EXOC6B: variants seen among roughly 807,000 people sequenced by gnomAD.
EXOC6B encodes the protein SEC15 homolog B.
Under a neutral mutation model 113.5 loss-of-function variants are expected in EXOC6B, and 54 were observed. The ratio of observed to expected loss-of-function variants is 0.48; its 90% confidence interval spans 0.38 to 0.60. The LOEUF is 0.60. Ranked by LOEUF, EXOC6B falls within the 20% of genes least tolerant of loss-of-function variation. The pLI, the probability that EXOC6B is intolerant of heterozygous loss-of-function variation, is 0.00. For synonymous variants in EXOC6B, 357 were observed against 339.0 expected, an observed-to-expected ratio of 1.05 and a Z score of -0.58; for missense variants, 797 against 977.5, an observed-to-expected ratio of 0.82 and a Z score of 2.46.
intron 1 of EXOC6B, among the ~76,000 whole-genome samples, chr2:72,761,933 T>C (rs766512791): frequency 6.6e-6 from 1 of 151,708 alleles, no homozygotes; most frequent in South Asian, 2.1e-4. Context: ...AGCAACATAC[T>C]GCTCATCTCA....
chr2:72,202,436 C>T (rs1241658371), intron 20 of EXOC6B, among the ~76,000 whole-genome samples: 4 of 152,162 alleles, frequency 2.6e-5, no homozygotes, highest in Non-Finnish European at 2.9e-5. Flanking sequence ...AGTTACAATT[C>T]CCTTCTCCCA....
chr2:72,286,649 G>A (rs1437586728), intron 20 of EXOC6B, among the ~76,000 whole-genome samples: 2 of 152,092 alleles, frequency 1.3e-5, no homozygotes, highest in Non-Finnish European at 2.9e-5. Context: ...TATCAATTTT[G>A]GGTGATAATG....
chr2:72,203,387 T>C (rs1337424829), intron 20 of EXOC6B, among the ~76,000 whole-genome samples: 1 of 152,230 alleles, frequency 6.6e-6, no homozygotes, highest in African/African-American at 2.4e-5. Flanking sequence ...TGCTTCTACC[T>C]GACACATGTC....
intron 6 of EXOC6B, among the ~76,000 whole-genome samples, chr2:72,715,880 T>C (rs1359695567): frequency 2.0e-5 from 3 of 152,082 alleles, no homozygotes; most frequent in South Asian, 4.1e-4. Flanking sequence ...TTGAAATGGA[T>C]GTAGTGACTA....
intron 6 of EXOC6B, among the ~76,000 whole-genome samples, chr2:72,611,769 G>A (rs1164762349): frequency 6.6e-6 from 1 of 151,898 alleles, no homozygotes; most frequent in Non-Finnish European, 1.5e-5. Flanking sequence ...AACAAACTAA[G>A]GTACAACTAC....
chr2:72,779,543 T>A (rs1239424755), intron 1 of EXOC6B, among the ~76,000 whole-genome samples: 2 of 152,202 alleles, frequency 1.3e-5, no homozygotes, highest in Admixed American at 1.3e-4. Context: ...TTCTAACTAT[T>A]GCCATATTTA....
At chr2:72,615,541 T>C (rs1044751052) in intron 6 of EXOC6B, among the ~76,000 whole-genome samples, 7 of 140,774 alleles carry the variant, frequency 5.0e-5, no homozygotes, top group Non-Finnish European at 6.1e-5. Context: ...ATACAGAAAA[T>C]AGAAGTGACT....
chr2:72,574,738 G>T (rs1169413848), intron 7 of EXOC6B, among the ~76,000 whole-genome samples: 1 of 152,144 alleles, frequency 6.6e-6, no homozygotes, highest in Non-Finnish European at 1.5e-5. Flanking sequence ...AGACTCTAAA[G>T]CTCATGCTCC....
intron 6 of EXOC6B, among the ~76,000 whole-genome samples, chr2:72,631,500 AGAGAGAGAGAGAGAGAGAGAG>A: frequency 7.8e-6 from 1 of 128,494 alleles, no homozygotes; most frequent in East Asian, 2.3e-4. Context: ...AGAGAGAGAG[AGAGAGAGAGAGAGAGAGAGAG>A]AAAGACAAGG....
At chr2:72,663,877 C>T (rs1233770737) in intron 6 of EXOC6B, among the ~76,000 whole-genome samples, 1 of 152,004 alleles carries the variant, frequency 6.6e-6, no homozygotes, top group Non-Finnish European at 1.5e-5. Flanking sequence ...TCAATATTGG[C>T]TCATCAATTA....
At chr2:72,390,481 T>C (rs1427275493) in intron 18 of EXOC6B, among the ~76,000 whole-genome samples, 2 of 152,206 alleles carry the variant, frequency 1.3e-5, no homozygotes, top group African/African-American at 4.8e-5. Flanking sequence ...TTTTATTGAA[T>C]ACTGGATATT....
intron 1 of EXOC6B, among the ~76,000 whole-genome samples, chr2:72,823,275 C>G (rs1686680896): frequency 6.6e-6 from 1 of 150,894 alleles, no homozygotes; most frequent in Non-Finnish European, 1.5e-5. Flanking sequence ...ACAGTGTCCC[C>G]TTAGGGCAAA....
At chr2:72,735,887 C>T (rs536628264) in intron 2 of EXOC6B, among the ~76,000 whole-genome samples, 4 of 149,070 alleles carry the variant, frequency 2.7e-5, no homozygotes, top group Admixed American at 6.7e-5. Context: ...TATTTCAATG[C>T]GTAACAATAA....
chr2:72,403,433 T>A (rs1465456705), intron 18 of EXOC6B, among the ~76,000 whole-genome samples: 2 of 152,120 alleles, frequency 1.3e-5, no homozygotes, highest in Admixed American at 6.6e-5. Flanking sequence ...ATACCTATAA[T>A]CACAGTGCTT....
chr2:72,265,179 T>A (rs1346706455), intron 20 of EXOC6B, among the ~76,000 whole-genome samples: 1 of 151,974 alleles, frequency 6.6e-6, no homozygotes, highest in Non-Finnish European at 1.5e-5. Flanking sequence ...GCTGAGATGG[T>A]CTCAGATGGA....
At chr2:72,742,458 C>T (rs1023286910) in intron 1 of EXOC6B, among the ~76,000 whole-genome samples, 13 of 152,160 alleles carry the variant, frequency 8.5e-5, no homozygotes, top group African/African-American at 2.7e-4. Flanking sequence ...AGCCACCAAG[C>T]ACAGCCTATA....
intron 7 of EXOC6B, among the ~76,000 whole-genome samples, chr2:72,568,517 G>T (rs1704324679): frequency 6.6e-6 from 1 of 151,858 alleles, no homozygotes; most frequent in South Asian, 2.1e-4. Context: ...AGTTTTGGGA[G>T]AGAAAAGAAA....
intron 18 of EXOC6B, among the ~76,000 whole-genome samples, chr2:72,401,514 T>C (rs184640286): frequency 0.019 from 985 of 51,438 alleles, 58 homozygotes; most frequent in African/African-American, 0.035. Flanking sequence ...TATATATATA[T>C]ACATATATAC....
chr2:72,672,201 CA>C (rs61678584), intron 6 of EXOC6B, among the ~76,000 whole-genome samples: 86,348 of 105,006 alleles, frequency 0.82, 35,106 homozygotes, highest in East Asian at 0.95. Context: ...GGTATATATC[CA>C]AAAAAAAAAA....
Sources: allele counts gnomAD v4.1 joint callset (sites outside exome capture counted in the v4.1 genomes callset), GRCh38; gene constraint gnomAD v4.1.1; transcripts MANE v1.5; gene names NCBI Gene and HGNC (gene_info 2026-07-23, HGNC 2026-07-21).